Variants in TMEM232 observed in about 807,000 individuals in gnomAD.
The protein encoded by TMEM232 is transmembrane protein 232.
A neutral mutation model predicts 78.8 loss-of-function variants in TMEM232; 80 were observed. The ratio of observed to expected loss-of-function variants is 1.01; its 90% CI spans 0.85 to 1.22. The LOEUF is 1.22. Among genes scored for constraint, TMEM232 ranks in the 50% most tolerant of loss-of-function variants. TMEM232 has a pLI of 0.00. For missense variants in TMEM232, 881 were observed against 742.2 expected, an observed-to-expected ratio of 1.19 and a Z score of -2.17; for synonymous variants, 297 against 254.3, an observed-to-expected ratio of 1.17 and a Z score of -1.60.
chr5:110,425,226 G>GA (rs1457370936), intron 12 of TMEM232, among the ~76,000 whole-genome samples: 10 of 152,030 alleles, frequency 6.6e-5, no homozygotes, highest in African/African-American at 2.2e-4. Context: ...AAGATATGCT[G>GA]AAAAAAATGA....
chr5:110,692,209 G>A lies in TMEM232; in HGVS notation c.-12-24845C>T, dbSNP rs567799177. 2.6e-5 allele frequency among the ~76,000 whole-genome samples: 4 copies of A among 152,216 alleles called. No homozygotes were observed. The South Asian group carries it at 8.3e-4, about 32-fold the overall frequency. On this transcript the variant is annotated intron_variant, in intron 1 of 13. Coordinates refer to ENST00000455884, the MANE Select transcript of TMEM232 (RefSeq NM_001039763.4). ...TGCTGGCATTACAGTTGTCAGCCAC[G>A]ACGCCCGGCCACATTCTCAGTTTGC...
intron 2 of TMEM232, among the ~76,000 whole-genome samples, chr5:110,399,925 C>T (rs957437910): frequency 3.9e-5 from 6 of 152,132 alleles, no homozygotes; most frequent in Non-Finnish European, 8.8e-5. Context: ...TGACAGGACA[C>T]CTTCACCAGC....
chr5:110,399,330 G>A (rs530641781), intron 2 of TMEM232, among the ~76,000 whole-genome samples: 11 of 152,224 alleles, frequency 7.2e-5, no homozygotes, highest in African/African-American at 2.4e-4. Flanking sequence ...ATGTGCATGA[G>A]CCTTCAGAGC....
chr5:110,522,670 T>G (rs927938111), intron 12 of TMEM232, among the ~76,000 whole-genome samples: 1 of 152,192 alleles, frequency 6.6e-6, no homozygotes, highest in Non-Finnish European at 1.5e-5. Flanking sequence ...TTGAGATTAT[T>G]ACGTAATTTT....
intron 12 of TMEM232, among the ~76,000 whole-genome samples, chr5:110,478,897 A>ATTTTTTTTTTTT (rs746104997): frequency 4.8e-4 from 54 of 111,788 alleles, no homozygotes; most frequent in Non-Finnish European, 7.6e-4. Flanking sequence ...GGAGAAATTG[A>ATTTTTTTTTTTT]TTTTTTTTTT....
chr5:110,431,566 G>A (rs1161268859), intron 12 of TMEM232, among the ~76,000 whole-genome samples: 5 of 151,572 alleles, frequency 3.3e-5, no homozygotes, highest in Non-Finnish European at 5.9e-5. Context: ...AAGGCATACT[G>A]GGCAAATCTC....
chr5:110,412,477 C>T (rs778146160), intron 2 of TMEM232, among the ~76,000 whole-genome samples: 3 of 151,936 alleles, frequency 2.0e-5, no homozygotes, highest in Non-Finnish European at 4.4e-5. Flanking sequence ...TGGGTTGAAG[C>T]AATCATGACC....
chr5:110,536,861 C>T (rs975080704), intron 11 of TMEM232, among the ~76,000 whole-genome samples: 2 of 152,104 alleles, frequency 1.3e-5, no homozygotes, highest in Non-Finnish European at 2.9e-5. Flanking sequence ...ATGTGGATTT[C>T]TTGCCTAAAT....
At chr5:110,481,759 C>T (rs1286324139) in intron 12 of TMEM232, among the ~76,000 whole-genome samples, 3 of 152,130 alleles carry the variant, frequency 2.0e-5, no homozygotes, top group Admixed American at 6.6e-5. Flanking sequence ...TTGGGTGACT[C>T]GTTGGTCTTT....
At chr5:110,640,599 G>T (rs1456288213) in intron 4 of TMEM232, among the ~76,000 whole-genome samples, 1 of 152,022 alleles carries the variant, frequency 6.6e-6, no homozygotes, top group East Asian at 1.9e-4. Flanking sequence ...ATTGTAACTG[G>T]AAATCACTAA....
chr5:110,430,730 T>C (rs1757739654), intron 12 of TMEM232, among the ~76,000 whole-genome samples: 1 of 151,784 alleles, frequency 6.6e-6, no homozygotes, highest in African/African-American at 2.4e-5. Context: ...ATCTCAGTAT[T>C]AAATAAAATT....
At chr5:110,546,378 T>C (rs1198115606) in intron 11 of TMEM232, among the ~76,000 whole-genome samples, 1 of 152,110 alleles carries the variant, frequency 6.6e-6, no homozygotes, top group Non-Finnish European at 1.5e-5. Flanking sequence ...GTTTATCATA[T>C]AAATTGCATA....
chr5:110,606,287 C>G lies in TMEM232; in HGVS notation c.903G>C (p.Trp301Cys). The part of the protein sequence containing the change: ...FHKTQLQKKC[W>C]LDSVLALLVL... ...CCAGTAAAGCCAGTACTGAATCCAA[C>G]CTGAAAATTTTATGGACGAAAGGAT... is the stretch of plus-strand genomic sequence containing the variant. Residue 301 changes from tryptophan (W) to cysteine (C), a missense_variant and splice_region_variant, in exon 9 of 14, where the codon TGG (tryptophan) becomes TGC (cysteine). Transcript: ENST00000455884. 6.6e-7 allele frequency: 1 copy of G among 1,514,692 alleles called. No individual in the cohort carries two copies. Among genetic ancestry groups the G allele is most frequent in the Non-Finnish European group, 8.9e-7 (1 of 1,127,238 alleles). 93.8% of individuals were successfully genotyped at this position (1,514,692 alleles called of 1,614,324 possible).
chr5:110,604,476 AG>A (rs1781307278), intron 10 of TMEM232, among the ~76,000 whole-genome samples: 1 of 152,180 alleles, frequency 6.6e-6, no homozygotes, highest in African/African-American at 2.4e-5. Flanking sequence ...AGAGGGAAAC[AG>A]TAAATGCCTA....
At chr5:110,520,747 C>A (rs568249263) in intron 12 of TMEM232, among the ~76,000 whole-genome samples, 1 of 152,128 alleles carries the variant, frequency 6.6e-6, no homozygotes, top group African/African-American at 2.4e-5. Flanking sequence ...GGAGAAACCC[C>A]ATCTCTACTA....
intron 12 of TMEM232, among the ~76,000 whole-genome samples, chr5:110,492,628 T>A (rs1005944384): frequency 6.6e-6 from 1 of 151,914 alleles, no homozygotes; most frequent in Non-Finnish European, 1.5e-5. Context: ...TATTATTGCT[T>A]CCATTCAAAA....
At chr5:110,572,638 C>A (rs1309866191) in intron 10 of TMEM232, among the ~76,000 whole-genome samples, 1 of 151,906 alleles carries the variant, frequency 6.6e-6, no homozygotes, top group Non-Finnish European at 1.5e-5. Flanking sequence ...CAATGATAAA[C>A]CATAAAATAT....
At chr5:110,584,712 C>T (rs1386564282) in intron 10 of TMEM232, among the ~76,000 whole-genome samples, 1 of 152,040 alleles carries the variant, frequency 6.6e-6, no homozygotes, top group East Asian at 1.9e-4. Flanking sequence ...GCATTCATTT[C>T]TGGACCATAT....
At chr5:110,639,446 C>T (rs1786359838) in intron 4 of TMEM232, among the ~76,000 whole-genome samples, 1 of 152,122 alleles carries the variant, frequency 6.6e-6, no homozygotes, top group African/African-American at 2.4e-5. Context: ...TGGAAAGGTT[C>T]CAGGGACAGC....
Sources: gnomAD v4.1 joint callset for allele counts (sites outside exome capture counted in the v4.1 genomes callset) on GRCh38, gnomAD v4.1.1 for gene constraint, MANE v1.5 for transcripts, NCBI Gene and HGNC (gene_info 2026-07-23, HGNC 2026-07-21) for gene names.